Variants in METTL6 observed in about 807,000 individuals in gnomAD.
METTL6 encodes the protein tRNA N(3)-cytidine methyltransferase METTL6.
Under a neutral mutation model 26.4 loss-of-function variants are expected in METTL6, and 22 were observed. That is an observed-to-expected ratio of 0.83 (90% CI 0.59 to 1.19). The LOEUF is 1.19. Ranked by LOEUF, METTL6 falls within the 50% of genes most tolerant of loss-of-function variation. METTL6 has a pLI of 0.00. For missense variants in METTL6, 304 were observed against 324.8 expected (o/e 0.94, Z 0.49); for synonymous variants, 109 against 116.2 (o/e 0.94, Z 0.40).
chr3:15,424,424 G>A (rs1413001727), intron 3 of METTL6, among the ~76,000 whole-genome samples: 1 of 152,124 alleles, frequency 6.6e-6, no homozygotes, highest in Non-Finnish European at 1.5e-5. Context: ...GCACCACCAT[G>A]CCCAGCTAAT....
In METTL6 at chr3:15,410,007, A is replaced by C. The variant is rs1479056082; in HGVS notation, c.*1249T>G. On this transcript the variant is annotated 3_prime_UTR_variant, in exon 6 of 6. Coordinates refer to ENST00000383790, the MANE Select transcript of METTL6 (RefSeq NM_152396.4). ...TACAGTCACATGAGTAATGACAAGA[A>C]TCTCTTTACGTGCTACAGGGTCCTT... Among the ~76,000 whole-genome samples, 1 of 152,144 alleles carries C rather than the reference A, an allele frequency of 6.6e-6. No individual in the cohort carries two copies. The highest frequency in any genetic ancestry group is 1.9e-4 in the East Asian group (1 of 5,196).
intron 6 of METTL6, among the ~76,000 whole-genome samples, chr3:15,387,735 G>C (rs1459455311): frequency 6.6e-6 from 1 of 152,082 alleles, no homozygotes; most frequent in Non-Finnish European, 1.5e-5. Context: ...ATTCTGTTGA[G>C]GTACAATAAA....
At chr3:15,403,964 T>G (rs1162992898) in intron 6 of METTL6, among the ~76,000 whole-genome samples, 2 of 152,206 alleles carry the variant, frequency 1.3e-5, no homozygotes, top group Non-Finnish European at 2.9e-5. Context: ...GCAGTGAGGA[T>G]GACAAGAGGT....
chr3:15,409,363 TC>T (rs1302561847), downstream of METTL6, among the ~76,000 whole-genome samples: 1 of 152,142 alleles, frequency 6.6e-6, no homozygotes, highest in Non-Finnish European at 1.5e-5. Flanking sequence ...GCTTACAGGC[TC>T]AACTCGTGAG....
intron 2 of METTL6, among the ~76,000 whole-genome samples, chr3:15,425,977 T>C (rs2061711057): frequency 6.6e-6 from 1 of 152,172 alleles, no homozygotes; most frequent in Non-Finnish European, 1.5e-5. Context: ...AGTCTCGTTC[T>C]GTCACCAGGC....
chr3:15,414,516 C>T (rs181301549), intron 4 of METTL6: 10 of 292,812 alleles, frequency 3.4e-5, no homozygotes, highest in East Asian at 1.3e-4. Flanking sequence ...CCACCATGCC[C>T]GGCTAATTTT....
At chr3:15,402,666 G>A (rs1408789657) in intron 6 of METTL6, among the ~76,000 whole-genome samples, 4 of 151,042 alleles carry the variant, frequency 2.6e-5, no homozygotes, top group Non-Finnish European at 4.4e-5. Flanking sequence ...CCGAGGAGGC[G>A]GAGGTTGCAG....
chr3:15,405,705 G>A (rs775915711), downstream of METTL6, among the ~76,000 whole-genome samples: 7 of 152,164 alleles, frequency 4.6e-5, no homozygotes, highest in Non-Finnish European at 1.0e-4. Context: ...TTCATGAGCT[G>A]CTCTACCATT....
In METTL6 at chr3:15,410,945, T is replaced by G. The variant is rs1699939408; in HGVS notation, c.*311A>C. 2 of 231,622 alleles carry G rather than the reference T, an allele frequency of 8.6e-6. No individual in the cohort carries two copies. Among genetic ancestry groups the G allele is most frequent in the East Asian group, 1.0e-4 (1 of 9,596 alleles). The allele number at this position is 231,622 out of a possible 1,614,324, so 14.3% of individuals were successfully genotyped here. ...TCTCACTCTGTCGCCCAGGCTGGAG[T>G]GCAATGGCATGATCTTGGCTCACTG... On this transcript the variant is annotated 3_prime_UTR_variant, in exon 6 of 6. Coordinates refer to ENST00000383790, the MANE Select transcript of METTL6 (RefSeq NM_152396.4).
exon 7 of METTL6, chr3:15,381,605 C>T (rs1034739314): frequency 1.3e-5 from 2 of 152,186 alleles, no homozygotes; most frequent in African/African-American, 2.4e-5. Flanking sequence ...TTGCTCTAAA[C>T]TATAAACTAA....
chr3:15,391,404 T>G (rs1433639597), intron 6 of METTL6, among the ~76,000 whole-genome samples: 1 of 151,852 alleles, frequency 6.6e-6, no homozygotes, highest in East Asian at 1.9e-4. Flanking sequence ...TTAGCCTTCT[T>G]TTTTTTTAAT....
chr3:15,386,593 G>A (rs1338163585), intron 6 of METTL6, among the ~76,000 whole-genome samples: 4 of 152,142 alleles, frequency 2.6e-5, no homozygotes, highest in Admixed American at 2.6e-4. Flanking sequence ...GGGGTGGGCT[G>A]TGTGTATGTG....
chr3:15,395,328 C>G (rs1273419906), intron 6 of METTL6, among the ~76,000 whole-genome samples: 1 of 152,028 alleles, frequency 6.6e-6, no homozygotes, highest in African/African-American at 2.4e-5. Flanking sequence ...CAACCCCTGC[C>G]TTTTTTTGTT....
chr3:15,405,247 C>A (rs1260603071), downstream of METTL6, among the ~76,000 whole-genome samples: 1 of 152,190 alleles, frequency 6.6e-6, no homozygotes, highest in East Asian at 1.9e-4. Context: ...AGACGCCTTT[C>A]GAGCCCATCA....
chr3:15,399,581 T>TGTGTGTGTGTGTGTGTGTGTGTG (rs1553626233), intron 6 of METTL6: 1 of 118,916 alleles, frequency 8.4e-6, no homozygotes, highest in African/African-American at 3.1e-5. Flanking sequence ...TGTGTGTGTG[T>TGTGTGTGTGTGTGTGTGTGTGTG]TGGAGGCTGG....
At chr3:15,399,987 C>A (rs997148425) in intron 6 of METTL6, among the ~76,000 whole-genome samples, 1 of 152,114 alleles carries the variant, frequency 6.6e-6, no homozygotes, top group African/African-American at 2.4e-5. Flanking sequence ...CATTAGCAAA[C>A]AGCAGATGCA....
exon 7 of METTL6, chr3:15,383,556 A>T (rs936382583): frequency 6.6e-6 from 1 of 152,036 alleles, no homozygotes; most frequent in Non-Finnish European, 1.5e-5. Flanking sequence ...CCAAGAATAG[A>T]TTTTACATGT....
Position 15,411,441 on chromosome 3 carries a change from T to A in METTL6, c.674-4A>T. On this transcript the variant is annotated splice_region_variant and splice_polypyrimidine_tract_variant and intron_variant, in intron 5 of 5. Coordinates refer to ENST00000383790, the MANE Select transcript of METTL6 (RefSeq NM_152396.4). The stretch of plus-strand genomic sequence containing the variant: ...ATAAAGAGCTGAGCCAGGAAGTCTG[T>A]AAGACAAGCATCAACAATGCTCAAC... The A allele has an allele frequency of 6.2e-7, 1 of 1,612,718 alleles. No homozygotes were observed. The highest frequency in any genetic ancestry group is 2.2e-5 in the East Asian group (1 of 44,878).
chr3:15,395,195 C>A (rs1010279344), intron 6 of METTL6, among the ~76,000 whole-genome samples: 1 of 152,152 alleles, frequency 6.6e-6, no homozygotes, highest in Non-Finnish European at 1.5e-5. Context: ...GTATTGGGTG[C>A]ATATATATTT....
Sources: allele counts gnomAD v4.1 joint callset (sites outside exome capture counted in the v4.1 genomes callset), GRCh38; gene constraint gnomAD v4.1.1; transcripts MANE v1.5; gene names NCBI Gene and HGNC (gene_info 2026-07-23, HGNC 2026-07-21).